The following LDLRAD4 variants were observed in gnomAD, a reference collection of about 807,000 sequenced individuals.
LDLRAD4 encodes the protein low-density lipoprotein receptor class A domain-containing protein 4.
A neutral mutation model predicts 17.0 loss-of-function variants in LDLRAD4; 5 were observed. The ratio of observed to expected loss-of-function variants is 0.29; its 90% confidence interval spans 0.15 to 0.62. The LOEUF (loss-of-function observed/expected upper bound fraction) is 0.62. Among genes scored for constraint, LDLRAD4 ranks in the 20% least tolerant of loss-of-function variants. LDLRAD4 has a pLI of 0.84. For missense variants in LDLRAD4, 340 were observed against 424.7 expected (o/e 0.80, Z 1.75); for synonymous variants, 168 against 171.8 (o/e 0.98, Z 0.17).
At chr18:13,380,243 C>T (rs569642465) in intron 1 of LDLRAD4, among the ~76,000 whole-genome samples, 92 of 152,344 alleles carry the variant, frequency 6.0e-4, no homozygotes, top group Middle Eastern at 6.8e-3. Context: ...TGGCCTGGTT[C>T]GGGCCCTGGA....
intron 1 of LDLRAD4, among the ~76,000 whole-genome samples, chr18:13,245,178 G>A (rs1235153865): frequency 6.6e-6 from 1 of 152,194 alleles, no homozygotes; most frequent in Non-Finnish European, 1.5e-5. Flanking sequence ...GTGGGCAGGA[G>A]TCATCCTGAG....
At chr18:13,650,608 A>G (rs2043206502) in exon 6 of LDLRAD4, 1 of 376,874 alleles carries the variant, frequency 2.7e-6, no homozygotes. Flanking sequence ...TGCTTTTTTC[A>G]GTTGTCTGTC....
chr18:13,434,251 T>G (rs1429582913), intron 2 of LDLRAD4, among the ~76,000 whole-genome samples: 5 of 151,574 alleles, frequency 3.3e-5, no homozygotes, highest in African/African-American at 1.2e-4. Context: ...CTCCTAAGTT[T>G]TTTTTTTTTT....
intron 3 of LDLRAD4, chr18:13,612,221 C>T: frequency 2.0e-6 from 2 of 989,592 alleles, no homozygotes; most frequent in Non-Finnish European, 1.2e-6. Flanking sequence ...CAAGATGAGC[C>T]GTCTAGCTGC....
chr18:13,288,674 A>G (rs113281973), intron 1 of LDLRAD4, among the ~76,000 whole-genome samples: 2,762 of 23,886 alleles, frequency 0.12, 1 homozygote, highest in South Asian at 0.23. Context: ...TAGCAGCCCC[A>G]CAGACCGTGG....
intron 3 of LDLRAD4, among the ~76,000 whole-genome samples, chr18:13,558,396 C>T (rs1176218079): frequency 2.0e-5 from 3 of 152,208 alleles, no homozygotes; most frequent in Non-Finnish European, 2.9e-5. Context: ...CCAGCAGGGG[C>T]AGGTTGCCCA....
intron 1 of LDLRAD4, chr18:13,239,877 G>C (rs1263511563): frequency 6.6e-6 from 1 of 152,318 alleles, no homozygotes; most frequent in African/African-American, 2.4e-5. Context: ...TGCGACTGTA[G>C]CTGTTTGTGC....
intron 3 of LDLRAD4, among the ~76,000 whole-genome samples, chr18:13,544,517 C>T (rs1432942135): frequency 2.6e-5 from 4 of 152,214 alleles, no homozygotes; most frequent in Non-Finnish European, 5.9e-5. Flanking sequence ...CATCAGTCGG[C>T]CCAGGACTGG....
intron 1 of LDLRAD4, chr18:13,240,907 C>T (rs74887194): frequency 0.031 from 4,732 of 152,058 alleles, 238 homozygotes; most frequent in African/African-American, 0.11. Flanking sequence ...CTACTCGAGG[C>T]GGGCTTTTTT....
chr18:13,273,931 T>C (rs2044707304), upstream of LDLRAD4, among the ~76,000 whole-genome samples: 1 of 152,042 alleles, frequency 6.6e-6, no homozygotes, highest in Non-Finnish European at 1.5e-5. Flanking sequence ...GGACGTGTCA[T>C]TCAGGAGGTG....
intron 1 of LDLRAD4, among the ~76,000 whole-genome samples, chr18:13,349,405 G>C (rs144102180): frequency 6.6e-6 from 1 of 152,152 alleles, no homozygotes; most frequent in African/African-American, 2.4e-5. Flanking sequence ...AGAATAAAAA[G>C]TGGAGTTACA....
chr18:13,469,651 A>C (rs1307239680), intron 3 of LDLRAD4, among the ~76,000 whole-genome samples: 2 of 152,274 alleles, frequency 1.3e-5, no homozygotes, highest in Admixed American at 6.5e-5. Context: ...GATACTGCTT[A>C]TATGAAATAT....
chr18:13,591,465 T>G (rs1454738838), intron 3 of LDLRAD4, among the ~76,000 whole-genome samples: 2 of 152,088 alleles, frequency 1.3e-5, no homozygotes, highest in African/African-American at 4.8e-5. Context: ...TGTGTGTGTG[T>G]CTGCCTGTTT....
chr18:13,301,345 G>A (rs1223075569), intron 1 of LDLRAD4, among the ~76,000 whole-genome samples: 3 of 152,014 alleles, frequency 2.0e-5, no homozygotes, highest in Non-Finnish European at 4.4e-5. Context: ...GAGACTTCCC[G>A]CTGGACCATT....
At chr18:13,471,323 CTGTCTGCTG>C (rs754828549) in intron 3 of LDLRAD4, 4 of 152,296 alleles carry the variant, frequency 2.6e-5, no homozygotes, top group Non-Finnish European at 5.9e-5. Flanking sequence ...GCTGCTCTCA[CTGTCTGCTG>C]TGTCGGGACA....
chr18:13,361,507 G>A (rs2083668886), intron 1 of LDLRAD4, among the ~76,000 whole-genome samples: 1 of 152,190 alleles, frequency 6.6e-6, no homozygotes, highest in African/African-American at 2.4e-5. Flanking sequence ...TCTCCAGAAG[G>A]GATAGCCAAT....
At chr18:13,439,543 C>A (rs2090891191) in intron 3 of LDLRAD4, among the ~76,000 whole-genome samples, 1 of 152,240 alleles carries the variant, frequency 6.6e-6, no homozygotes, top group South Asian at 2.1e-4. Context: ...GAGGTTCAGG[C>A]TGGGCGCGTG....
intron 1 of LDLRAD4, among the ~76,000 whole-genome samples, chr18:13,308,301 C>T (rs1327406222): frequency 6.6e-6 from 1 of 152,206 alleles, no homozygotes; most frequent in Non-Finnish European, 1.5e-5. Context: ...CATAACCAGT[C>T]CTCTATTGAT....
intron 3 of LDLRAD4, among the ~76,000 whole-genome samples, chr18:13,512,239 G>A (rs887704684): frequency 1.3e-5 from 2 of 152,158 alleles, no homozygotes; most frequent in African/African-American, 4.8e-5. Flanking sequence ...CACATCTGCT[G>A]TGGCATGAAG....
Sources: allele counts gnomAD v4.1 joint callset (sites outside exome capture counted in the v4.1 genomes callset), GRCh38; gene constraint gnomAD v4.1.1; transcripts MANE v1.5; gene names NCBI Gene and HGNC (gene_info 2026-07-23, HGNC 2026-07-21).